The following GFI1B variants were observed in gnomAD, a reference collection of about 807,000 sequenced individuals.
The protein encoded by GFI1B is growth factor independent 1B transcriptional repressor.
A neutral mutation model predicts 35.3 loss-of-function variants in GFI1B; 20 were observed. The observed-to-expected ratio is 0.57, with a 90% CI of 0.40 to 0.82. The LOEUF is 0.82. Among genes scored for constraint, GFI1B ranks in the 40% least tolerant of loss-of-function variants. GFI1B has a pLI of 0.00. For synonymous variants in GFI1B, 178 were observed against 177.6 expected, an observed-to-expected ratio of 1.00 and a Z score of -0.02; for missense variants, 430 against 446.3, an observed-to-expected ratio of 0.96 and a Z score of 0.33.
intron 1 of GFI1B, among the ~76,000 whole-genome samples, chr9:132,961,556 T>C (rs1192643987): frequency 6.6e-6 from 1 of 151,458 alleles, no homozygotes; most frequent in Non-Finnish European, 1.5e-5. Flanking sequence ...GGGATGCCCT[T>C]CCTCCTGTCC....
intron 1 of GFI1B, among the ~76,000 whole-genome samples, chr9:132,968,311 G>A (rs117895433): frequency 0.035 from 5,285 of 151,250 alleles, 138 homozygotes; most frequent in Non-Finnish European, 0.053. Flanking sequence ...TAGTAGAGAC[G>A]AGGCCTCACT....
At chr9:132,975,480 A>G (rs908202303), upstream of GFI1B, among the ~76,000 whole-genome samples, 2 of 150,680 alleles carry the variant, frequency 1.3e-5, no homozygotes, top group Admixed American at 1.3e-4. Context: ...TCCTTCACCA[A>G]CCCCCCCAAG....
At chr9:132,978,329 G>A (rs1415289933), upstream of GFI1B, among the ~76,000 whole-genome samples, 2 of 149,812 alleles carry the variant, frequency 1.3e-5, no homozygotes, top group African/African-American at 2.5e-5. Context: ...AAGAAAAAAG[G>A]CAAGAGAAAA....
At chr9:132,975,485 C>A (rs1848612297), upstream of GFI1B, among the ~76,000 whole-genome samples, 1 of 152,220 alleles carries the variant, frequency 6.6e-6, no homozygotes, top group South Asian at 2.1e-4. Context: ...CACCAACCCC[C>A]CCAAGCCTGG....
chr9:132,973,620 C>T (rs1378990488), intron 2 of GFI1B, among the ~76,000 whole-genome samples: 1 of 152,090 alleles, frequency 6.6e-6, no homozygotes, highest in Admixed American at 6.6e-5. Context: ...GGGAGGGCTT[C>T]CTGGAGGCGT....
upstream of GFI1B, among the ~76,000 whole-genome samples, chr9:132,973,761 T>C (rs1009352537): frequency 3.3e-5 from 5 of 152,186 alleles, no homozygotes; most frequent in African/African-American, 1.2e-4. Context: ...AGGTAGAAGA[T>C]AGAAGCCATG....
intron 1 of GFI1B, among the ~76,000 whole-genome samples, chr9:132,966,531 G>C (rs1414540965): frequency 6.6e-6 from 1 of 152,174 alleles, no homozygotes; most frequent in Non-Finnish European, 1.5e-5. Flanking sequence ...CTTCTTTACA[G>C]ATAATAAATG....
chr9:132,987,466 A>T (rs1242065124), intron 3 of GFI1B, 47 bp downstream of exon 3: 1 of 1,610,684 alleles, frequency 6.2e-7, no homozygotes, highest in Admixed American at 1.7e-5. Context: ...TGCCAAGGGG[A>T]GGAAGGATGA....
At position 132,989,017 on chromosome 9, in the gene GFI1B, T is replaced by C; in HGVS notation, c.511-44T>C. The C allele has an allele frequency of 6.2e-7, 1 of 1,604,956 alleles. No homozygotes were observed. Among genetic ancestry groups the C allele is most frequent in the Non-Finnish European group, 8.5e-7 (1 of 1,171,864 alleles). ...CCATGGGACCCCAGGCCTGTCCCTG[T>C]CACCGCAGCCCCCAGTGGCCTCACA... On this transcript the variant is annotated intron_variant, in intron 4 of 6. Coordinates refer to ENST00000372122, the MANE Select transcript of GFI1B (RefSeq NM_001377304.1). This position sits in a 1 kb window ranked among gnomAD's most constrained non-coding sequence, Gnocchi z 6.2.
intron 1 of GFI1B, among the ~76,000 whole-genome samples, chr9:132,983,129 T>C (rs1443719092): frequency 2.6e-5 from 4 of 151,138 alleles, no homozygotes; most frequent in African/African-American, 9.7e-5. Flanking sequence ...TCAGGAGCCA[T>C]GTGGGTCTTT....
At chr9:132,987,826 G>A (rs745748693) in intron 3 of GFI1B, among the ~76,000 whole-genome samples, 3 of 152,052 alleles carry the variant, frequency 2.0e-5, no homozygotes, top group Admixed American at 6.5e-5. Context: ...GGTGGGAAGG[G>A]GGTGCCCTGT....
chr9:132,975,407 G>C (rs1279964487), upstream of GFI1B, among the ~76,000 whole-genome samples: 1 of 152,088 alleles, frequency 6.6e-6, no homozygotes, highest in Non-Finnish European at 1.5e-5. Context: ...TCTTCTTTGA[G>C]ACACTTTTCC....
rs112208650 is a variant in GFI1B, at chr9:132,953,452, G to A, written c.-701+7783G>A. On this transcript the variant is annotated intron_variant, in intron 1 of 10. Coordinates refer to the GFI1B transcript ENST00000339463. ...GCAGATCACTTGAGTCCAGGAGTTC[G>A]AGACCAGCCTGGGCAACATGGCAAA... The A allele has an allele frequency of 6.9e-3, 1,049 of 152,416 alleles. 7 individuals carry two copies. The highest frequency in any genetic ancestry group is 0.024 in the African/African-American group (998 of 41,528). The allele number at this position is 152,416 out of a possible 1,614,324, so 9.4% of individuals were successfully genotyped here.
rs774660559 is a variant in GFI1B at position 132,991,051 on chromosome 9, G to A, written c.*1G>A. Reference sequence around the variant, plus strand: ...CGAGAGCCAGCACAATCTCAAGTGAGGCTGCGCCGGCTCCCAGCTCCTGGC... The same window carrying A: ...CGAGAGCCAGCACAATCTCAAGTGAAGCTGCGCCGGCTCCCAGCTCCTGGC... On this transcript the variant is annotated 3_prime_UTR_variant, in exon 7 of 7. Coordinates refer to ENST00000372122, the MANE Select transcript of GFI1B (RefSeq NM_001377304.1). The A allele has an allele frequency of 6.2e-7, 1 of 1,612,656 alleles. No individual in the cohort carries two copies. The highest frequency in any genetic ancestry group is 8.5e-7 in the Non-Finnish European group (1 of 1,179,644).
intron 1 of GFI1B, among the ~76,000 whole-genome samples, chr9:132,983,177 AT>A (rs1403843845): frequency 1.7e-5 from 2 of 118,894 alleles, no homozygotes; most frequent in African/African-American, 6.4e-5. Context: ...AGAGGGTTTG[AT>A]TTTTCTCCCT....
At chr9:132,987,129 CT>C (rs1371077232) in intron 2 of GFI1B, among the ~76,000 whole-genome samples, 152 bp from the exon 3 acceptor site, 1 of 152,186 alleles carries the variant, frequency 6.6e-6, no homozygotes, top group Non-Finnish European at 1.5e-5. Flanking sequence ...GCCGCCTGCT[CT>C]GGGCAGAGCC....
At chr9:132,980,558 C>T (rs573860058) in intron 1 of GFI1B, among the ~76,000 whole-genome samples, 2 of 152,286 alleles carry the variant, frequency 1.3e-5, no homozygotes, top group East Asian at 1.9e-4. Context: ...CATTTTCAAG[C>T]GTACCATTCA....
At chr9:132,990,447 T>C (rs1452552031) in intron 6 of GFI1B, among the ~76,000 whole-genome samples, 3 of 152,280 alleles carry the variant, frequency 2.0e-5, no homozygotes, top group Non-Finnish European at 4.4e-5. Flanking sequence ...ATTTGTTCAC[T>C]CATTCACTCA....
rs769624853 is a variant in GFI1B, at chr9:132,989,737, G to A, written c.649-5G>A. ...GACCCCCCGGGGCCTCATTTCCTCCGGCAGGAGCGCAGCTTCGAGTGCCGC... is the reference window on the plus strand; with the variant it reads ...GACCCCCCGGGGCCTCATTTCCTCCAGCAGGAGCGCAGCTTCGAGTGCCGC... On this transcript the variant is annotated splice_region_variant and splice_polypyrimidine_tract_variant and intron_variant, in intron 5 of 6. Coordinates refer to ENST00000372122, the MANE Select transcript of GFI1B (RefSeq NM_001377304.1). This position sits in a 1 kb window ranked among gnomAD's most constrained non-coding sequence, Gnocchi z 6.2. 18 of 1,613,418 alleles carry A rather than the reference G, an allele frequency of 1.1e-5. No homozygotes were observed. The highest frequency in any genetic ancestry group is 2.7e-5 in the African/African-American group (2 of 74,916).
Sources: allele counts gnomAD v4.1 joint callset (sites outside exome capture counted in the v4.1 genomes callset), GRCh38; gene constraint gnomAD v4.1.1; non-coding constraint Gnocchi (gnomAD v3.1); transcripts MANE v1.5; gene names NCBI Gene and HGNC (gene_info 2026-07-23, HGNC 2026-07-21).